IRAK1BP1: variants seen among roughly 807,000 people sequenced by gnomAD.
IRAK1BP1 encodes the protein interleukin-1 receptor-associated kinase 1-binding protein 1.
IRAK1BP1 carries 24 observed loss-of-function variants against 28.0 expected under a neutral mutation model. The ratio of observed to expected loss-of-function variants is 0.86; its 90% CI spans 0.62 to 1.20. IRAK1BP1 has a LOEUF of 1.20. Among genes scored for constraint, IRAK1BP1 ranks in the 50% most tolerant of loss-of-function variants. The pLI, the probability that IRAK1BP1 is intolerant of heterozygous loss-of-function variation, is 0.00. For synonymous variants in IRAK1BP1, 131 were observed against 116.3 expected, an observed-to-expected ratio of 1.13 and a Z score of -0.81; for missense variants, 336 against 316.7, an observed-to-expected ratio of 1.06 and a Z score of -0.46.
intron 1 of IRAK1BP1, among the ~76,000 whole-genome samples, chr6:78,878,386 G>C (rs571561707): frequency 1.3e-5 from 2 of 152,284 alleles, no homozygotes; most frequent in African/African-American, 4.8e-5. Context: ...AGGCAAACAG[G>C]GTCTGGAGTG....
chr6:78,872,197 C>G, intron 1 of IRAK1BP1: 1 of 679,436 alleles, frequency 1.5e-6, no homozygotes, highest in Non-Finnish European at 2.7e-6. Context: ...CTGACCACAG[C>G]GGTAATTTGC....
At chr6:78,903,202 G>A (rs1772165345), downstream of IRAK1BP1, 2 of 652,344 alleles carry the variant, frequency 3.1e-6, no homozygotes, top group Admixed American at 6.0e-5. Flanking sequence ...TTATTAGGAG[G>A]CCAGGCATGG....
intron 1 of IRAK1BP1, among the ~76,000 whole-genome samples, chr6:78,879,721 A>G (rs1368218331): frequency 6.6e-6 from 1 of 152,082 alleles, no homozygotes; most frequent in African/African-American, 2.4e-5. Flanking sequence ...TGTAGAGAAA[A>G]GACAAGAGTG....
downstream of IRAK1BP1, among the ~76,000 whole-genome samples, chr6:78,905,775 G>A (rs1772247228): frequency 6.6e-6 from 1 of 152,068 alleles, no homozygotes; most frequent in South Asian, 2.1e-4. Flanking sequence ...CTAATGTTTT[G>A]TATTTTTAGT....
At chr6:78,966,007 G>A in the IRAK1BP1 span, 6 of 1,613,584 alleles carry the variant, frequency 3.7e-6, no homozygotes, top group Admixed American at 1.7e-5. Context: ...CCTGGCTTTC[G>A]ATTGTTCCAA....
At chr6:78,966,886 C>T in the IRAK1BP1 span, among the ~76,000 whole-genome samples, 1 of 152,170 alleles carries the variant, frequency 6.6e-6, no homozygotes, top group Non-Finnish European at 1.5e-5. Flanking sequence ...GTTCAAATAA[C>T]GTATCTGTAT....
At chr6:78,913,427 C>G (rs1353153120) in intron 4 of IRAK1BP1, among the ~76,000 whole-genome samples, 1 of 152,136 alleles carries the variant, frequency 6.6e-6, no homozygotes, top group Non-Finnish European at 1.5e-5. Flanking sequence ...AGGTGGATCA[C>G]TTGAGGTCAG....
At chr6:78,938,701 AT>A (rs1002292176) in intron 4 of IRAK1BP1, 1 of 151,704 alleles carries the variant, frequency 6.6e-6, no homozygotes, top group Non-Finnish European at 1.5e-5. Context: ...TTAGAAAAAA[AT>A]AAATATACAA....
chr6:78,927,347 T>A (rs190926870), intron 4 of IRAK1BP1, among the ~76,000 whole-genome samples: 19 of 152,194 alleles, frequency 1.2e-4, no homozygotes, highest in Non-Finnish European at 2.2e-4. Flanking sequence ...GTATGTCTTC[T>A]GAGAAATGTC....
chr6:78,910,896 C>T (rs1242755353), intron 4 of IRAK1BP1, among the ~76,000 whole-genome samples: 1 of 152,262 alleles, frequency 6.6e-6, no homozygotes, highest in Admixed American at 6.5e-5. Context: ...GCGTTAGCAC[C>T]CCAAGACGCT....
intron 4 of IRAK1BP1, among the ~76,000 whole-genome samples, chr6:78,920,427 A>C (rs534909325): frequency 6.6e-6 from 1 of 152,346 alleles, no homozygotes; most frequent in African/African-American, 2.4e-5. Flanking sequence ...GTACAAAAAC[A>C]GACACATGGA....
intron 4 of IRAK1BP1, among the ~76,000 whole-genome samples, chr6:78,913,543 G>A (rs1772480360): frequency 6.6e-6 from 1 of 152,166 alleles, no homozygotes; most frequent in African/African-American, 2.4e-5. Context: ...CTACTTGGGT[G>A]GCTGAGGCAC....
At chr6:78,873,254 CAAA>C (rs35962544) in intron 1 of IRAK1BP1, among the ~76,000 whole-genome samples, 245 of 41,044 alleles carry the variant, frequency 6.0e-3, no homozygotes, top group Middle Eastern at 0.028. Context: ...AACTCTGTCT[CAAA>C]AAAAAAAAAA....
intron 4 of IRAK1BP1, among the ~76,000 whole-genome samples, chr6:78,913,136 C>T (rs1772471390): frequency 6.6e-6 from 1 of 150,498 alleles, no homozygotes; most frequent in Non-Finnish European, 1.5e-5. Context: ...GAGATCGAGA[C>T]CATCCTGGCT....
At chr6:78,954,727 C>A in the IRAK1BP1 span, 1 of 799,560 alleles carries the variant, frequency 1.3e-6, no homozygotes. Flanking sequence ...AAACTATAAT[C>A]ATAAAAAGTA....
chr6:78,942,321 A>AAG (rs1773546834), intron 4 of IRAK1BP1, among the ~76,000 whole-genome samples: 1 of 152,148 alleles, frequency 6.6e-6, no homozygotes, highest in Non-Finnish European at 1.5e-5. Context: ...CGTCTCTACT[A>AAG]AAAGTACAAA....
chr6:78,903,872 C>T (rs112182323), downstream of IRAK1BP1, among the ~76,000 whole-genome samples: 14 of 152,246 alleles, frequency 9.2e-5, no homozygotes, highest in African/African-American at 3.4e-4. Context: ...AGTTTCAGTG[C>T]TTCATATGGA....
At chr6:78,929,516 C>A (rs1772984299) in intron 4 of IRAK1BP1, among the ~76,000 whole-genome samples, 2 of 151,754 alleles carry the variant, frequency 1.3e-5, no homozygotes, top group Admixed American at 1.3e-4. Context: ...AAGATGGAAA[C>A]AATAGACACT....
At chr6:78,878,896 T>C (rs760291024) in intron 1 of IRAK1BP1, among the ~76,000 whole-genome samples, 9 of 152,010 alleles carry the variant, frequency 5.9e-5, no homozygotes, top group Non-Finnish European at 1.2e-4. Flanking sequence ...GAAGAAAGGG[T>C]ATCAGTGGTG....
Sources: gnomAD v4.1 joint callset for allele counts (sites outside exome capture counted in the v4.1 genomes callset) on GRCh38, gnomAD v4.1.1 for gene constraint, MANE v1.5 for transcripts, NCBI Gene and HGNC (gene_info 2026-07-23, HGNC 2026-07-21) for gene names.